Variants in SMURF1 observed in about 807,000 individuals in gnomAD.
SMURF1 encodes SMAD specific E3 ubiquitin protein ligase 1.
SMURF1 carries 44 observed loss-of-function variants against 98.0 expected under a neutral mutation model. The observed-to-expected ratio is 0.45, with a 90% CI of 0.35 to 0.58. The LOEUF (loss-of-function observed/expected upper bound fraction) is 0.58. Ranked by LOEUF, SMURF1 falls within the 20% of genes least tolerant of loss-of-function variation. The pLI, the probability that SMURF1 is intolerant of heterozygous loss-of-function variation, is 0.00. For missense variants in SMURF1, 687 were observed against 938.4 expected (o/e 0.73, Z 3.50); for synonymous variants, 396 against 374.9 (o/e 1.06, Z -0.65).
intron 1 of SMURF1, among the ~76,000 whole-genome samples, chr7:99,069,090 GTTCT>G (rs1327412907): frequency 3.9e-5 from 6 of 152,082 alleles, no homozygotes; most frequent in African/African-American, 9.7e-5. Context: ...ATGTTAAAAT[GTTCT>G]TTCTTTAATG....
chr7:99,045,673 G>A (rs1004526774), intron 11 of SMURF1, 25 bp downstream of exon 11: 28 of 1,562,782 alleles, frequency 1.8e-5, no homozygotes, highest in Non-Finnish European at 2.2e-5. Flanking sequence ...ACACAGCAGA[G>A]AAGGTGAATG....
chr7:99,032,969 A>G (rs1794969815), intron 17 of SMURF1, 68 bp downstream of exon 17: 1 of 1,533,580 alleles, frequency 6.5e-7, no homozygotes, highest in Non-Finnish European at 8.8e-7. Context: ...AACAACAAAA[A>G]AAAAACGTGA....
intron 1 of SMURF1, among the ~76,000 whole-genome samples, chr7:99,141,976 G>GT (rs1375046551): frequency 6.6e-6 from 1 of 152,234 alleles, no homozygotes; most frequent in Non-Finnish European, 1.5e-5. Context: ...AGTTTGGAAA[G>GT]TCCCGGAGCA....
At chr7:99,049,293 C>T (rs1795680446) in intron 9 of SMURF1, 1 of 397,108 alleles carries the variant, frequency 2.5e-6, no homozygotes, top group African/African-American at 2.1e-5. Flanking sequence ...GCGGAAACTT[C>T]CTTCGTGCAG....
chr7:99,138,897 C>G (rs991568103), intron 1 of SMURF1, among the ~76,000 whole-genome samples: 6 of 152,192 alleles, frequency 3.9e-5, no homozygotes, highest in Non-Finnish European at 8.8e-5. Context: ...CCTACACCTT[C>G]CAATAATTCA....
intron 1 of SMURF1, among the ~76,000 whole-genome samples, chr7:99,139,623 A>G (rs376965579): frequency 7.9e-5 from 12 of 152,348 alleles, no homozygotes; most frequent in African/African-American, 2.9e-4. Flanking sequence ...TTTTTCAATC[A>G]AAATGTTTCT....
chr7:99,052,521 C>G, intron 6 of SMURF1, 75 bp from the exon 7 acceptor site: 1 of 1,370,990 alleles, frequency 7.3e-7, no homozygotes, highest in Non-Finnish European at 9.5e-7. Flanking sequence ...GGGCTAGTGT[C>G]CTAGGGGACA....
Position 99,035,691 on chromosome 7 carries a change from A to C in SMURF1, c.1835T>G (p.Ile612Arg). ...GTTCGACTTCCAGTCGTTCAAGTCTATTTTATCCAGGCCGCCTATGATCAG... is the reference window on the plus strand; with the variant it reads ...GTTCGACTTCCAGTCGTTCAAGTCTCTTTTATCCAGGCCGCCTATGATCAG... ...LELIIGGLDK[I>R]DLNDWKSNTR... Residue 612 changes from isoleucine (I) to arginine (R), a missense_variant, in exon 16 of 18, where the codon ATA (isoleucine) becomes AGA (arginine). By Grantham distance (97) the Ile-to-Arg change is moderately conservative. Coordinates refer to ENST00000361368, the MANE Select transcript of SMURF1 (RefSeq NM_181349.3). 1 of 1,614,122 alleles carries C rather than the reference A, an allele frequency of 6.2e-7. No homozygotes were observed. Among genetic ancestry groups the C allele is most frequent in the Non-Finnish European group, 8.5e-7 (1 of 1,179,998 alleles).
At chr7:99,043,432 G>C (rs2150513838) in intron 11 of SMURF1, among the ~76,000 whole-genome samples, 1 of 152,234 alleles carries the variant, frequency 6.6e-6, no homozygotes, top group Non-Finnish European at 1.5e-5. Context: ...GACCAAACTG[G>C]AGGTGGCAGA....
intron 1 of SMURF1, among the ~76,000 whole-genome samples, chr7:99,132,362 C>A (rs977634214): frequency 3.9e-5 from 6 of 152,154 alleles, no homozygotes; most frequent in African/African-American, 1.4e-4. Context: ...CCAGCAGGTG[C>A]CAAGCAGTGT....
intron 3 of SMURF1, among the ~76,000 whole-genome samples, chr7:99,059,159 G>T: frequency 6.6e-6 from 1 of 151,692 alleles, no homozygotes; most frequent in East Asian, 1.9e-4. Context: ...CAGCACTTTG[G>T]GAGGCCGAGG....
chr7:99,115,255 G>A (rs1190238557), intron 1 of SMURF1, among the ~76,000 whole-genome samples: 2 of 152,032 alleles, frequency 1.3e-5, no homozygotes, highest in Non-Finnish European at 2.9e-5. Context: ...GACTGACCAA[G>A]GAAAAAGGAG....
chr7:99,128,803 T>C (rs1797799527), intron 1 of SMURF1, among the ~76,000 whole-genome samples: 1 of 152,228 alleles, frequency 6.6e-6, no homozygotes, highest in Non-Finnish European at 1.5e-5. Context: ...CAAACAGGTT[T>C]ATTCAAGCAA....
At chr7:99,078,097 A>G (rs541304389) in intron 1 of SMURF1, among the ~76,000 whole-genome samples, 44 of 152,206 alleles carry the variant, frequency 2.9e-4, no homozygotes, top group Non-Finnish European at 5.0e-4. Context: ...TCAGGAGTTC[A>G]AGACCAGCCT....
intron 1 of SMURF1, among the ~76,000 whole-genome samples, chr7:99,063,293 A>ATATAAGATTTT (rs1796108644): frequency 3.6e-5 from 1 of 28,128 alleles, no homozygotes. Context: ...ATATATATAT[A>ATATAAGATTTT]TATATATATA....
chr7:99,080,285 A>G lies in SMURF1; in HGVS notation c.56-18448T>C, dbSNP rs183522880. Among the ~76,000 whole-genome samples the G allele has an allele frequency of 4.5e-4, 68 of 150,832 alleles. 1 individual carries two copies. The East Asian group carries it at 0.013, about 29-fold the overall frequency. ...CAAAGAAACAAAGCACTAAACCTAG[A>G]TAAGTTTTTTGTTTTGTTTTGTTTT... On this transcript the variant is annotated intron_variant, in intron 1 of 17. Coordinates refer to ENST00000361368, the MANE Select transcript of SMURF1 (RefSeq NM_181349.3).
At position 99,045,631 on chromosome 7, in the gene SMURF1, G is replaced by A; in HGVS notation, c.1256+67C>T. On this transcript the variant is annotated intron_variant, in intron 11 of 17. Coordinates refer to ENST00000361368, the MANE Select transcript of SMURF1 (RefSeq NM_181349.3). The stretch of plus-strand genomic sequence containing the variant: ...GCTTGGTGATGAGCACTGGAGAAGG[G>A]CAAATGACTTCTCTTGAAAAGACTG... 3 of 1,348,876 alleles carry A rather than the reference G, an allele frequency of 2.2e-6. No individual in the cohort carries two copies. The South Asian group carries it at 3.6e-5, about 16-fold the overall frequency. 83.6% of individuals were successfully genotyped at this position (1,348,876 alleles called of 1,614,324 possible).
chr7:99,049,232 G>A lies in SMURF1; in HGVS notation c.953+331C>T, dbSNP rs947231039. The A allele has an allele frequency of 2.9e-5, 8 of 273,910 alleles. No homozygotes were observed. In the East Asian group the frequency reaches 4.1e-4, roughly 14 times the overall value. 17.0% of individuals were successfully genotyped at this position (273,910 alleles called of 1,614,324 possible). A position where few individuals can be genotyped will look rare whatever the true frequency, so the allele number is the denominator to read the frequency against. On this transcript the variant is annotated intron_variant, in intron 9 of 17. Transcript: ENST00000361368. Reference sequence around the variant, plus strand: ...CGTGCAGGCACTAGGGGGATAGCACGTATCTCTACTTCTCAACCTAAGGGC... The same window carrying A: ...CGTGCAGGCACTAGGGGGATAGCACATATCTCTACTTCTCAACCTAAGGGC...
At chr7:99,136,409 T>C (rs1048905089) in intron 1 of SMURF1, among the ~76,000 whole-genome samples, 2 of 152,238 alleles carry the variant, frequency 1.3e-5, no homozygotes, top group Admixed American at 6.5e-5. Context: ...TGTCTTTGCA[T>C]GTTGATTTTA....
Sources: allele counts gnomAD v4.1 joint callset (sites outside exome capture counted in the v4.1 genomes callset), GRCh38; gene constraint gnomAD v4.1.1; transcripts MANE v1.5; gene names NCBI Gene and HGNC (gene_info 2026-07-23, HGNC 2026-07-21).